TMPRSS11B: variants seen among roughly 807,000 people sequenced by gnomAD.
The protein encoded by TMPRSS11B is transmembrane serine protease 11B.
In TMPRSS11B, 53 loss-of-function variants were observed where a neutral mutation model predicts 44.7. The ratio of observed to expected loss-of-function variants is 1.19; its 90% CI spans 0.95 to 1.49. The LOEUF (loss-of-function observed/expected upper bound fraction) is 1.49. Ranked by LOEUF, TMPRSS11B falls within the 40% of genes most tolerant of loss-of-function variation. The pLI is 0.00. For synonymous variants in TMPRSS11B, 140 were observed against 159.2 expected (o/e 0.88, Z 0.91); for missense variants, 526 against 494.8 (o/e 1.06, Z -0.60).
chr4:68,228,767 A>G lies in TMPRSS11B; in HGVS notation c.1064T>C (p.Met355Thr). 5 of 1,612,990 alleles carry G rather than the reference A, an allele frequency of 3.1e-6. No homozygotes were observed. The South Asian group carries it at 4.4e-5, about 14-fold the overall frequency. ...VTDTMLCAGF[M>T]SGEADACQND... ...CTGACATGCATCAGCTTCTCCTGACATAAATCCAGCACATAACATTGTATC... is the reference window on the plus strand; with the variant it reads ...CTGACATGCATCAGCTTCTCCTGACGTAAATCCAGCACATAACATTGTATC... The change falls in exon 9 of 10, where the codon ATG becomes ACG. Residue 355 changes from methionine to threonine, a missense_variant. Met to Thr is a moderately conservative substitution (Grantham distance 81, BLOSUM62 -1). Transcript: ENST00000332644.
At chr4:68,229,223 CA>C in intron 8 of TMPRSS11B, 33 bp downstream of exon 8, 1 of 1,527,496 alleles carries the variant, frequency 6.5e-7, no homozygotes, top group Non-Finnish European at 8.9e-7. Context: ...TAGTTATTCC[CA>C]TGCAGCTATT....
intron 1 of TMPRSS11B, among the ~76,000 whole-genome samples, chr4:68,242,201 T>C (rs1719844219): frequency 1.7e-5 from 1 of 57,510 alleles, no homozygotes; most frequent in Non-Finnish European, 3.1e-5. Context: ...ATACATAATA[T>C]AATATAATAT....
Position 68,229,266 on chromosome 4 carries a change from A to G in TMPRSS11B, c.937T>C (p.Tyr313His), listed in dbSNP as rs1361067775. 1.2e-6 allele frequency: 2 copies of G among 1,600,408 alleles called. No homozygotes were observed. The highest frequency in any genetic ancestry group is 8.5e-7 in the Non-Finnish European group (1 of 1,173,794). ...TTACAAAAAAACTTACCATTCATAT[A>G]AAGTGTTCCCCAACCTGTAACTACA... Reference protein sequence around the residue: ...NVVVTGWGTLYMNGSFPVILQ... With the variant: ...NVVVTGWGTLHMNGSFPVILQ... Residue 313 changes from tyrosine to histidine, a missense_variant, in exon 8 of 10, where the codon TAT (tyrosine) becomes CAT (histidine). Physicochemically the swap from Tyr to His is moderately conservative, Grantham distance 83. Coordinates refer to ENST00000332644, the MANE Select transcript of TMPRSS11B (RefSeq NM_182502.3).
At chr4:68,234,735 GA>G (rs1719615494) in intron 4 of TMPRSS11B, 112 bp from the exon 5 acceptor site, 1 of 1,093,438 alleles carries the variant, frequency 9.1e-7, no homozygotes, top group Non-Finnish European at 1.3e-6. Context: ...ATATATTAAA[GA>G]AAAATATACA....
intron 4 of TMPRSS11B, 143 bp downstream of exon 4, chr4:68,235,859 C>T (rs575326360): frequency 4.6e-5 from 21 of 454,418 alleles, no homozygotes; most frequent in African/African-American, 2.0e-4. Flanking sequence ...CTATTTCCTT[C>T]GTTCCTTCCT....
chr4:68,229,264 A>G lies in TMPRSS11B; in HGVS notation c.939T>C (p.Tyr313=), dbSNP rs1289041979. ...TTTTACAAAAAAACTTACCATTCAT[A>G]TAAAGTGTTCCCCAACCTGTAACTA... is the stretch of plus-strand genomic sequence containing the variant. ...NVVVTGWGTL[Y]MNGSFPVILQ... is the part of the protein sequence containing the mutation. The change falls in exon 8 of 10, where the codon TAT becomes TAC. Residue 313 remains tyrosine (Y), a synonymous_variant. Transcript: ENST00000332644. 6.3e-7 allele frequency: 1 copy of G among 1,599,880 alleles called. No homozygotes were observed. The highest frequency in any genetic ancestry group is 1.4e-5 in the African/African-American group (1 of 74,048).
chr4:68,235,861 T>C (rs1294152233), intron 4 of TMPRSS11B, 141 bp downstream of exon 4: 2 of 483,632 alleles, frequency 4.1e-6, no homozygotes, highest in Non-Finnish European at 7.2e-6. Flanking sequence ...ATTTCCTTCG[T>C]TCCTTCCTTT....
chr4:68,236,156 T>C lies in TMPRSS11B; in HGVS notation c.235A>G (p.Thr79Ala). The C allele has an allele frequency of 6.2e-7, 1 of 1,604,042 alleles. No homozygotes were observed. Among genetic ancestry groups the C allele is most frequent in the Non-Finnish European group, 8.5e-7 (1 of 1,174,892 alleles). Reference sequence around the variant, plus strand: ...TTTAAAAATCTCTGATTTACCTTAGTCTCAATATCTTTGCTTAGATTTGTG... The same window carrying C: ...TTTAAAAATCTCTGATTTACCTTAGCCTCAATATCTTTGCTTAGATTTGTG... ...ASTNLSKDIE[T>A]KMLNAFQNSS... is the part of the protein sequence containing the mutation. The change falls in exon 3 of 10, where the codon ACT becomes GCT. Residue 79 changes from threonine to alanine, a missense_variant. Coordinates refer to ENST00000332644, the MANE Select transcript of TMPRSS11B (RefSeq NM_182502.3).
In TMPRSS11B at chr4:68,227,935, C is replaced by A. The variant is rs776954237; in HGVS notation, c.1227G>T (p.Trp409Cys). 3.7e-6 allele frequency: 6 copies of A among 1,611,918 alleles called. No individual in the cohort carries two copies. The highest frequency in any genetic ancestry group is 4.2e-6 in the Non-Finnish European group (5 of 1,179,282). Residue 409 changes from tryptophan (W) to cysteine (C), a missense_variant, in exon 10 of 10, where the codon TGG (tryptophan) becomes TGT (cysteine). Coordinates refer to ENST00000332644, the MANE Select transcript of TMPRSS11B (RefSeq NM_182502.3). ...TTCAGAGTCCAGTCTTGGATGTAAT[C>A]CAATTGCGATAAGAAGTCACTCGAG... Reference protein sequence around the residue: ...VYTRVTSYRNWITSKTGL With the variant: ...VYTRVTSYRNCITSKTGL
intron 1 of TMPRSS11B, among the ~76,000 whole-genome samples, chr4:68,244,555 C>G (rs1324393302): frequency 6.6e-6 from 1 of 152,168 alleles, no homozygotes; most frequent in Non-Finnish European, 1.5e-5. Context: ...GACCCCAGCT[C>G]CATCACAGGG....
intron 2 of TMPRSS11B, among the ~76,000 whole-genome samples, chr4:68,240,563 T>C (rs1719796731): frequency 6.6e-6 from 1 of 152,144 alleles, no homozygotes; most frequent in Non-Finnish European, 1.5e-5. Flanking sequence ...GCAAACTGTA[T>C]GTTGAAAAAA....
chr4:68,242,077 C>CT (rs1560445248), intron 1 of TMPRSS11B, among the ~76,000 whole-genome samples: 2 of 146,826 alleles, frequency 1.4e-5, no homozygotes, highest in African/African-American at 5.0e-5. Flanking sequence ...AATTGACTTG[C>CT]TTTTTTTAAA....
intron 2 of TMPRSS11B, among the ~76,000 whole-genome samples, chr4:68,240,212 C>A (rs1403751214): frequency 6.6e-6 from 1 of 151,908 alleles, no homozygotes; most frequent in Admixed American, 6.6e-5. Flanking sequence ...AGCTGTTATC[C>A]AGCTTAAGTT....
Position 68,228,865 on chromosome 4 carries a change from A to C in TMPRSS11B, c.966T>G (p.Leu322=). Reference sequence around the variant, plus strand: ...CAATAATCTTCAAAAAGTCTTCTTGAAGTATCACTGGAAATGAACCTAAAA... The same window carrying C: ...CAATAATCTTCAAAAAGTCTTCTTGCAGTATCACTGGAAATGAACCTAAAA... ...LYMNGSFPVI[L]QEDFLKIIDN... The change falls in exon 9 of 10, where the codon CTT becomes CTG. Residue 322 remains leucine, a synonymous_variant. Transcript: ENST00000332644. The C allele has an allele frequency of 1.2e-6, 2 of 1,613,054 alleles. No individual in the cohort carries two copies. The highest frequency in any genetic ancestry group is 3.3e-5 in the Admixed American group (2 of 59,834).
intron 7 of TMPRSS11B, among the ~76,000 whole-genome samples, chr4:68,229,960 T>A (rs1226989582): frequency 6.6e-6 from 1 of 152,170 alleles, no homozygotes; most frequent in Non-Finnish European, 1.5e-5. Flanking sequence ...CCCCTCCTTG[T>A]ATCCATATGT....
In TMPRSS11B at chr4:68,234,451, T is replaced by G. The variant is rs1371395174; in HGVS notation, c.469+12A>C. On this transcript the variant is annotated intron_variant, in intron 5 of 9. Coordinates refer to ENST00000332644, the MANE Select transcript of TMPRSS11B (RefSeq NM_182502.3). Reference sequence around the variant, plus strand: ...CCTATGTAATAGAAAATAATGGAAATAAGTCAAATACCCATGAGTTTAATG... The same window carrying G: ...CCTATGTAATAGAAAATAATGGAAAGAAGTCAAATACCCATGAGTTTAATG... The G allele has an allele frequency of 6.2e-7, 1 of 1,601,716 alleles. No individual in the cohort carries two copies. Among genetic ancestry groups the G allele is most frequent in the Non-Finnish European group, 8.5e-7 (1 of 1,176,242 alleles).
intron 5 of TMPRSS11B, 90 bp downstream of exon 5, chr4:68,234,373 T>A: frequency 7.1e-7 from 1 of 1,417,942 alleles, no homozygotes; most frequent in Non-Finnish European, 9.5e-7. Flanking sequence ...CCCGAATTAC[T>A]AAAACTCTTA....
intron 8 of TMPRSS11B, 79 bp downstream of exon 8, chr4:68,229,178 G>A: frequency 3.1e-6 from 4 of 1,306,696 alleles, no homozygotes; most frequent in South Asian, 1.5e-5. Context: ...TTGCATGAGG[G>A]GATGATTGAT....
At chr4:68,239,338 C>G (rs1719761920) in intron 2 of TMPRSS11B, among the ~76,000 whole-genome samples, 2 of 152,096 alleles carry the variant, frequency 1.3e-5, no homozygotes, top group Non-Finnish European at 1.5e-5. Context: ...TTCACCCCAT[C>G]TCCCAAAATA....
Sources: allele counts gnomAD v4.1 joint callset (sites outside exome capture counted in the v4.1 genomes callset), GRCh38; gene constraint gnomAD v4.1.1; transcripts MANE v1.5; gene names NCBI Gene and HGNC (gene_info 2026-07-23, HGNC 2026-07-21).